The following TLN1 variants were observed in gnomAD, a reference collection of about 807,000 sequenced individuals.
TLN1 encodes talin-1.
Under a neutral mutation model 292.3 loss-of-function variants are expected in TLN1, and 56 were observed. The observed-to-expected ratio is 0.19, with a 90% CI of 0.15 to 0.24. The LOEUF (loss-of-function observed/expected upper bound fraction) is 0.24. TLN1 is among the 10% of genes least tolerant of loss of function. TLN1 has a pLI of 1.00. For synonymous variants in TLN1, 1,119 were observed against 1,253.7 expected (o/e 0.89, Z 2.27); for missense variants, 2,433 against 3,248.2 (o/e 0.75, Z 6.10).
chr9:35,722,831 T>C, intron 8 of TLN1, 30 bp downstream of exon 8: 2 of 1,610,560 alleles, frequency 1.2e-6, no homozygotes, highest in Non-Finnish European at 1.7e-6. Flanking sequence ...TCCGCGGTCA[T>C]CCCAAATACT....
chr9:35,727,128 G>A (rs370430207), intron 1 of TLN1, among the ~76,000 whole-genome samples: 2 of 152,158 alleles, frequency 1.3e-5, no homozygotes, highest in Non-Finnish European at 1.5e-5. Context: ...AAGTCTGCCC[G>A]GCTGCTGCTG....
intron 33 of TLN1, among the ~76,000 whole-genome samples, chr9:35,708,777 G>A (rs1379281822): frequency 6.6e-6 from 1 of 152,246 alleles, no homozygotes; most frequent in Non-Finnish European, 1.5e-5. Context: ...ATATGTTTGT[G>A]TATGTTGGGT....
rs1185990407 is a variant in TLN1, at chr9:35,706,928, C to A, written c.4956-28G>T. The A allele has an allele frequency of 6.2e-7, 1 of 1,612,546 alleles. No homozygotes were observed. Among genetic ancestry groups the A allele is most frequent in the Non-Finnish European group, 8.5e-7 (1 of 1,179,386 alleles). ...GCAGACACATCATGGGCTCCAACAC[C>A]AAGAACATCCCCTACTGCAAGGCCA... On this transcript the variant is annotated intron_variant, in intron 37 of 56. Transcript: ENST00000314888. This position sits in a 1 kb window ranked among gnomAD's most constrained non-coding sequence, Gnocchi z 4.2.
In TLN1 at chr9:35,698,933, C is replaced by T; in HGVS notation, c.7000G>A (p.Glu2334Lys). The T allele has an allele frequency of 6.2e-7, 1 of 1,613,638 alleles. No individual in the cohort carries two copies. The change falls in exon 53 of 57, where the codon GAG becomes AAG. Residue 2334 changes from glutamate to lysine, a missense_variant and splice_region_variant. By Grantham distance (56) the Glu-to-Lys change is moderately conservative. Transcript: ENST00000314888. The surrounding 1 kb of genome is among the most constrained non-coding windows in gnomAD (Gnocchi z 5.3). ...EQLKPRAKPKEADESLNFEEQ... is the reference protein window; with the variant it reads ...EQLKPRAKPKKADESLNFEEQ... ...TCAAAGTTCAAGGACTCATCTGCCT[C>T]CTGCAATAAGCGAAGGTTGCAGAAA...
Position 35,697,009 on chromosome 9 carries a change from T to C in TLN1, c.*782A>G, listed in dbSNP as rs979604010. On this transcript the variant is annotated 3_prime_UTR_variant, in exon 57 of 57. Transcript: ENST00000314888. Reference sequence around the variant, plus strand: ...TGGTCAAGGACTGGATTTGTTGACATACCCTGAGTAGCTATGAAGAACAGA... The same window carrying C: ...TGGTCAAGGACTGGATTTGTTGACACACCCTGAGTAGCTATGAAGAACAGA... 6.6e-6 allele frequency: 1 copy of C among 152,236 alleles called. No homozygotes were observed. The highest frequency in any genetic ancestry group is 1.5e-5 in the Non-Finnish European group (1 of 68,048). 9.4% of individuals were successfully genotyped at this position (152,236 alleles called of 1,614,324 possible).
intron 27 of TLN1, 78 bp from the exon 28 acceptor site, chr9:35,712,202 T>C: frequency 6.6e-7 from 1 of 1,513,866 alleles, no homozygotes; most frequent in Non-Finnish European, 8.9e-7. Flanking sequence ...ACATGGGAGA[T>C]GACTAGCTCT....
chr9:35,697,769 G>A lies in TLN1; in HGVS notation c.*22C>T. On this transcript the variant is annotated 3_prime_UTR_variant, in exon 57 of 57. Coordinates refer to ENST00000314888, the MANE Select transcript of TLN1 (RefSeq NM_006289.4). ...CACGCACAGTCTCTGGGCCGGGTCT[G>A]CATTAAATAGAAGAGGCTTCTTTAG... 2 of 1,613,424 alleles carry A rather than the reference G, an allele frequency of 1.2e-6. No individual in the cohort carries two copies. The highest frequency in any genetic ancestry group is 3.3e-4 in the Middle Eastern group (2 of 6,018).
intron 17 of TLN1, among the ~76,000 whole-genome samples, 163 bp downstream of exon 17, chr9:35,718,649 C>A (rs1468585741): frequency 6.6e-6 from 1 of 152,048 alleles, no homozygotes; most frequent in African/African-American, 2.4e-5. Context: ...GAATTCTAAC[C>A]CCTAAAAGAG....
At position 35,707,823 on chromosome 9, in the gene TLN1, C is replaced by A; in HGVS notation, c.4540G>T (p.Ala1514Ser). 1 of 1,614,104 alleles carries A rather than the reference C, an allele frequency of 6.2e-7. No homozygotes were observed. The highest frequency in any genetic ancestry group is 8.5e-7 in the Non-Finnish European group (1 of 1,180,026). The change falls in exon 35 of 57, where the codon GCC becomes TCC. Residue 1514 changes from alanine to serine, a missense_variant. Physicochemically the swap from Ala to Ser is moderately conservative, Grantham distance 99. Around this residue, in one of 7 missense-constraint regions of TLN1, gnomAD observed 1,384 missense variants for 1,699.6 expected, o/e 0.81. Transcript: ENST00000314888. The surrounding 1 kb of genome is among the most constrained non-coding windows in gnomAD (Gnocchi z 5.6). ...ALCNSCRLAS[A>S]RTTNPTAKRQ... ...TTGGCAGTAGGATTGGTGGTACGGG[C>A]AGAAGCCAGGCGACAGCTGTTACAC...
rs774472977 is a variant in TLN1, at chr9:35,707,031, T to G, written c.4955+41A>C. On this transcript the variant is annotated intron_variant, in intron 37 of 56. Transcript: ENST00000314888. This position sits in a 1 kb window ranked among gnomAD's most constrained non-coding sequence, Gnocchi z 5.6. ...GTGCCCATCCTCCATTCTGCCACAA[T>G]GTATGCCCCCCAGCCACACTGGTTC... 6.2e-7 allele frequency: 1 copy of G among 1,608,512 alleles called. No individual in the cohort carries two copies. Among genetic ancestry groups the G allele is most frequent in the Non-Finnish European group, 8.5e-7 (1 of 1,178,506 alleles).
At position 35,713,252 on chromosome 9, in the gene TLN1, C is replaced by T. The variant is rs749659924; in HGVS notation, c.3296G>A (p.Ser1099Asn). 1 of 1,599,970 alleles carries T rather than the reference C, an allele frequency of 6.3e-7. No homozygotes were observed. Among genetic ancestry groups the T allele is most frequent in the Admixed American group, 1.7e-5 (1 of 59,826 alleles). Residue 1099 changes from serine (S) to asparagine (N), a missense_variant, in exon 26 of 57, where the codon AGC becomes AAC. Ser to Asn is a conservative substitution (Grantham distance 46). This residue lies in a region of TLN1 where 1,384 missense variants were observed against 1,699.6 expected (regional missense o/e 0.81). Transcript: ENST00000314888. ...TCCCAGTAGCTGGGCGATGGCTGAGCTCACGGCTTTGGTGCTGTTGCCCAG... is the reference window on the plus strand; with the variant it reads ...TCCCAGTAGCTGGGCGATGGCTGAGTTCACGGCTTTGGTGCTGTTGCCCAG... ...QDLGNSTKAV[S>N]SAIAQLLGEV...
chr9:35,700,013 A>G lies in TLN1; in HGVS notation c.6729T>C (p.Cys2243=), dbSNP rs1286954913. ...CCAGCAGTTCCAGGTAGCCATTGGC[A>G]CACTCCCGGCCATAGTGCAGGGCTC... The part of the protein sequence containing the change: ...RLRALHYGRE[C]ANGYLELLDH... The change falls in exon 50 of 57, where the codon TGT becomes TGC. Residue 2243 remains cysteine (C), a synonymous_variant. Transcript: ENST00000314888. The G allele has an allele frequency of 6.2e-7, 1 of 1,613,456 alleles. No individual in the cohort carries two copies. Among genetic ancestry groups the G allele is most frequent in the South Asian group, 1.1e-5 (1 of 90,992 alleles).
rs1825735080 is a variant in TLN1 at position 35,714,192 on chromosome 9, C to T, written c.3120+47G>A. On this transcript the variant is annotated intron_variant, in intron 24 of 56. Coordinates refer to ENST00000314888, the MANE Select transcript of TLN1 (RefSeq NM_006289.4). The surrounding 1 kb of genome is among the most constrained non-coding windows in gnomAD (Gnocchi z 4.6). ...TTATTCTGCACAGATTTCCTCTCAT[C>T]ACAGGACTCCAGCCTCATCTTCCAA... 1 of 1,595,904 alleles carries T rather than the reference C, an allele frequency of 6.3e-7. No individual in the cohort carries two copies. Among genetic ancestry groups the T allele is most frequent in the South Asian group, 1.1e-5 (1 of 89,446 alleles).
At chr9:35,723,117 T>C (rs1195924714) in intron 7 of TLN1, 196 bp from the exon 8 acceptor site, 3 of 463,878 alleles carry the variant, frequency 6.5e-6, no homozygotes, top group Non-Finnish European at 1.2e-5. Flanking sequence ...TTTTTTTTTT[T>C]TGAGATGGAG....
Position 35,700,334 on chromosome 9 carries a change from C to T in TLN1, c.6517G>A (p.Glu2173Lys). 6.2e-7 allele frequency: 1 copy of T among 1,610,200 alleles called. No individual in the cohort carries two copies. Among genetic ancestry groups the T allele is most frequent in the Non-Finnish European group, 8.5e-7 (1 of 1,176,692 alleles). ...PEPPAKTSTP[E>K]DFIRMTKGIT... ...CCCTTGGTCATTCGGATGAAGTCTT[C>T]TGGGGTAGAGGTCTTGGCAGGTGGC... Residue 2173 changes from glutamate (E) to lysine (K), a missense_variant, in exon 49 of 57, where the codon GAA (glutamate) becomes AAA (lysine). Glu to Lys is a moderately conservative substitution (Grantham distance 56, BLOSUM62 1). Coordinates refer to ENST00000314888, the MANE Select transcript of TLN1 (RefSeq NM_006289.4).
At chr9:35,731,950 T>G (rs995880308) in intron 1 of TLN1, 125 bp downstream of exon 1, 3 of 152,574 alleles carry the variant, frequency 2.0e-5, no homozygotes, top group Middle Eastern at 3.4e-3. Context: ...CGAGATGCGC[T>G]GGACGCTGAC....
At chr9:35,728,549 A>G (rs1476527864) in intron 1 of TLN1, among the ~76,000 whole-genome samples, 1 of 152,018 alleles carries the variant, frequency 6.6e-6, no homozygotes, top group Non-Finnish European at 1.5e-5. Context: ...GATGCACCCC[A>G]GCCTAGGCAG....
At position 35,706,719 on chromosome 9, in the gene TLN1, A is replaced by G. The variant is rs190770386; in HGVS notation, c.5088+49T>C. On this transcript the variant is annotated intron_variant, in intron 38 of 56. Transcript: ENST00000314888. This position sits in a 1 kb window ranked among gnomAD's most constrained non-coding sequence, Gnocchi z 4.2. The stretch of plus-strand genomic sequence containing the variant: ...TGATCCCCCAGCTTCTTTGAGTCTG[A>G]TATTTCTCTTCCTAGACACATCTTT... The G allele has an allele frequency of 6.3e-6, 10 of 1,599,716 alleles. No individual in the cohort carries two copies. The highest frequency in any genetic ancestry group is 3.3e-4 in the Middle Eastern group (2 of 5,980).
At position 35,716,553 on chromosome 9, in the gene TLN1, T is replaced by C; in HGVS notation, c.2462A>G (p.Glu821Gly). The C allele has an allele frequency of 6.2e-7, 1 of 1,613,686 alleles. No individual in the cohort carries two copies. Among genetic ancestry groups the C allele is most frequent in the South Asian group, 1.1e-5 (1 of 91,056 alleles). ...NIFSSMGDAG[E>G]MVRQARILAQ... ...CAGGATGCGGGCCTGTCGCACCATC[T>C]CCCCTGAGAGCATAGGGCACAGTCA... Residue 821 changes from glutamate to glycine, a missense_variant, in exon 20 of 57, where the codon GAG becomes GGG. By Grantham distance (98) the Glu-to-Gly change is moderately conservative (BLOSUM62 -2). Transcript: ENST00000314888.
Sources: allele counts gnomAD v4.1 joint callset (sites outside exome capture counted in the v4.1 genomes callset), GRCh38; gene constraint gnomAD v4.1.1; regional missense constraint gnomAD v4.1.1; non-coding constraint Gnocchi (gnomAD v3.1); transcripts MANE v1.5; gene names NCBI Gene and HGNC (gene_info 2026-07-23, HGNC 2026-07-21).